DLGAP2: variants seen among roughly 807,000 people sequenced by gnomAD.
The protein encoded by DLGAP2 is disks large-associated protein 2.
DLGAP2 carries 26 observed loss-of-function variants against 100.3 expected under a neutral mutation model. The ratio of observed to expected loss-of-function variants is 0.26; its 90% CI spans 0.19 to 0.36. The LOEUF (loss-of-function observed/expected upper bound fraction) is 0.36. DLGAP2 is among the 10% of genes least tolerant of loss of function. The pLI, the probability that DLGAP2 is intolerant of heterozygous loss-of-function variation, is 1.00. For synonymous variants in DLGAP2, 886 were observed against 630.1 expected, an observed-to-expected ratio of 1.41 and a Z score of -6.08; for missense variants, 1,858 against 1,453.2, an observed-to-expected ratio of 1.28 and a Z score of -4.53.
rs190692410 is a variant in DLGAP2 at position 1,110,612 on chromosome 8, G to C, written c.74-148239G>C. Among the ~76,000 whole-genome samples the C allele has an allele frequency of 2.8e-3, 425 of 152,208 alleles. 6 individuals are homozygous for C. Among genetic ancestry groups the C allele is most frequent in the African/African-American group, 9.7e-3 (402 of 41,526 alleles). On this transcript the variant is annotated intron_variant, in intron 2 of 14. Transcript: ENST00000637795. Reference sequence around the variant, plus strand: ...CAGTGTGTCTGCATCTGGCATGTGAGAGATCCAGCAGTGCCATACTGTCCC... The same window carrying C: ...CAGTGTGTCTGCATCTGGCATGTGACAGATCCAGCAGTGCCATACTGTCCC...
rs1272728458 is a variant in DLGAP2 at position 1,632,873 on chromosome 8, C to G, written c.1637C>G (p.Ser546Cys). 6.2e-7 allele frequency: 1 copy of G among 1,613,856 alleles called. No individual in the cohort carries two copies. Among genetic ancestry groups the G allele is most frequent in the East Asian group, 2.2e-5 (1 of 44,876 alleles). Residue 546 changes from serine to cysteine, a missense_variant, in exon 8 of 15, where the codon TCC becomes TGC. By Grantham distance (112) the Ser-to-Cys change is moderately radical. Coordinates refer to ENST00000637795, the MANE Select transcript of DLGAP2 (RefSeq NM_001346810.2). ...GGGCAATTCGAGTCCGTGTGCGAGTCCGTCTTCAGTGAAGTTGAATCTCAG... is the reference window on the plus strand; with the variant it reads ...GGGCAATTCGAGTCCGTGTGCGAGTGCGTCTTCAGTGAAGTTGAATCTCAG... Reference protein sequence around the residue: ...INGQFESVCESVFSEVESQAM... With the variant: ...INGQFESVCECVFSEVESQAM...
intron 6 of DLGAP2, among the ~76,000 whole-genome samples, chr8:1,575,412 T>G (rs1031353608): frequency 2.0e-5 from 3 of 151,242 alleles, no homozygotes; most frequent in African/African-American, 4.9e-5. Context: ...AATGGAGAGT[T>G]GAGGGTCAAA....
intron 2 of DLGAP2, among the ~76,000 whole-genome samples, chr8:1,170,051 C>T (rs896326117): frequency 1.4e-4 from 21 of 151,966 alleles, no homozygotes; most frequent in Admixed American, 3.3e-4. Context: ...TTTTGAGATA[C>T]GTCCCATCAA....
At chr8:1,630,233 T>C (rs73671265) in intron 7 of DLGAP2, among the ~76,000 whole-genome samples, 13,011 of 152,210 alleles carry the variant, frequency 0.085, 600 homozygotes, top group African/African-American at 0.11. Context: ...GTGAGAAGAC[T>C]GTGTCACACC....
intron 2 of DLGAP2, among the ~76,000 whole-genome samples, chr8:1,222,023 A>G (rs1191389423): frequency 6.6e-6 from 1 of 152,120 alleles, no homozygotes; most frequent in Non-Finnish European, 1.5e-5. Flanking sequence ...TTAGGTTTCA[A>G]CCTCATTCTG....
At chr8:743,457 A>G (rs1177539334) in intron 1 of DLGAP2, among the ~76,000 whole-genome samples, 1 of 152,238 alleles carries the variant, frequency 6.6e-6, no homozygotes. Flanking sequence ...TTAAAAATAC[A>G]GAAGTATTTT....
intron 3 of DLGAP2, among the ~76,000 whole-genome samples, chr8:1,375,327 TA>T (rs1802365341): frequency 2.1e-5 from 1 of 47,574 alleles, no homozygotes; most frequent in Non-Finnish European, 3.7e-5. Context: ...CCCCACCTCC[TA>T]CATTTGGGTT....
intron 1 of DLGAP2, among the ~76,000 whole-genome samples, chr8:817,147 A>C (rs1796497307): frequency 3.3e-5 from 5 of 151,948 alleles, no homozygotes; most frequent in African/African-American, 1.2e-4. Context: ...TCTCAAAAAA[A>C]AAAAAAAAAA....
chr8:1,348,514 A>AGAGCTGCATTGCACTCATGGTG (rs1801623599), intron 3 of DLGAP2, among the ~76,000 whole-genome samples: 1 of 148,990 alleles, frequency 6.7e-6, no homozygotes, highest in Non-Finnish European at 1.5e-5. Flanking sequence ...CACTCATGAT[A>AGAGCTGCATTGCACTCATGGTG]GCTGTTTGGA....
At chr8:1,493,465 T>C (rs1799452688) in intron 3 of DLGAP2, among the ~76,000 whole-genome samples, 1 of 152,070 alleles carries the variant, frequency 6.6e-6, no homozygotes. Context: ...GCCCAGTGCA[T>C]CCCTGGATGA....
At chr8:1,255,083 G>C (rs1364587204) in intron 2 of DLGAP2, among the ~76,000 whole-genome samples, 3 of 141,064 alleles carry the variant, frequency 2.1e-5, no homozygotes, top group South Asian at 2.4e-4. Context: ...CGCTGTGTGT[G>C]TGTCCTCTCA....
At chr8:1,260,696 G>A (rs1383751106) in intron 3 of DLGAP2, among the ~76,000 whole-genome samples, 2 of 152,100 alleles carry the variant, frequency 1.3e-5, no homozygotes, top group African/African-American at 4.8e-5. Flanking sequence ...ATGAAGGCTG[G>A]TAAATCTCCC....
chr8:771,898 A>G (rs1821371878), intron 1 of DLGAP2, among the ~76,000 whole-genome samples: 1 of 152,140 alleles, frequency 6.6e-6, no homozygotes, highest in Non-Finnish European at 1.5e-5. Flanking sequence ...CTCATCTGCA[A>G]TTTTATTTCA....
At position 1,087,224 on chromosome 8, in the gene DLGAP2, A is replaced by G. The variant is rs117824227; in HGVS notation, c.74-171627A>G. On this transcript the variant is annotated intron_variant, in intron 2 of 14. Coordinates refer to ENST00000637795, the MANE Select transcript of DLGAP2 (RefSeq NM_001346810.2). ...TACCGAAACATATGAGATGCAGCAA[A>G]AGCAATTTTAAGAGGAAAGTTTAGC... Among the ~76,000 whole-genome samples, 1,484 of 152,364 alleles carry G rather than the reference A, an allele frequency of 9.7e-3. 12 individuals carry two copies. The highest frequency in any genetic ancestry group is 0.015 in the Non-Finnish European group (1,001 of 68,036).
rs1336452216 is a variant in DLGAP2, at chr8:1,040,431, T to C, written c.73+132465T>C. Among the ~76,000 whole-genome samples, 9 of 149,338 alleles carry C rather than the reference T, an allele frequency of 6.0e-5. 1 individual carries two copies. Among genetic ancestry groups the C allele is most frequent in the African/African-American group, 2.2e-4 (9 of 40,178 alleles). On this transcript the variant is annotated intron_variant, in intron 2 of 14. Coordinates refer to ENST00000637795, the MANE Select transcript of DLGAP2 (RefSeq NM_001346810.2). ...GGCTCGGTGTGCGTGGTCGGCTCAA[T>C]GTGCGTGGTCGGCTCAGTTTCCGTG...
intron 12 of DLGAP2, among the ~76,000 whole-genome samples, chr8:1,687,540 T>A (rs766443762): frequency 5.3e-5 from 8 of 152,188 alleles, no homozygotes; most frequent in Non-Finnish European, 1.2e-4. Context: ...ACAGCAAAAT[T>A]CTCCTACCAT....
intron 3 of DLGAP2, among the ~76,000 whole-genome samples, chr8:1,454,116 A>G (rs1798239011): frequency 6.6e-6 from 1 of 152,208 alleles, no homozygotes; most frequent in Non-Finnish European, 1.5e-5. Context: ...ATGCAAAGAG[A>G]TTTGAGAATG....
chr8:1,509,224 G>A (rs560691467), intron 4 of DLGAP2, among the ~76,000 whole-genome samples: 5 of 151,788 alleles, frequency 3.3e-5, no homozygotes, highest in South Asian at 2.1e-4. Flanking sequence ...CCAGCTACTC[G>A]AGAGGCTGAG....
chr8:1,100,375 A>G (rs781308690), intron 2 of DLGAP2, among the ~76,000 whole-genome samples: 1 of 152,100 alleles, frequency 6.6e-6, no homozygotes, highest in East Asian at 1.9e-4. Flanking sequence ...CAGCATGTCC[A>G]CAGTGTATAA....
Sources: gnomAD v4.1 joint callset for allele counts (sites outside exome capture counted in the v4.1 genomes callset) on GRCh38, gnomAD v4.1.1 for gene constraint, MANE v1.5 for transcripts, NCBI Gene and HGNC (gene_info 2026-07-23, HGNC 2026-07-21) for gene names.